Variants in SGCD observed in about 807,000 individuals in gnomAD.
SGCD encodes sarcoglycan delta.
In SGCD, 18 loss-of-function variants were observed where a neutral mutation model predicts 36.6. The ratio of observed to expected loss-of-function variants is 0.49; its 90% CI spans 0.34 to 0.73. The LOEUF is 0.73. Ranked by LOEUF, SGCD falls within the 30% of genes least tolerant of loss-of-function variation. The pLI, the probability that SGCD is intolerant of heterozygous loss-of-function variation, is 0.01. For missense variants in SGCD, 387 were observed against 346.7 expected (o/e 1.12, Z -0.92); for synonymous variants, 133 against 130.6 (o/e 1.02, Z -0.12).
intron 3 of SGCD, among the ~76,000 whole-genome samples, chr5:156,278,851 G>A (rs916882075): frequency 6.6e-6 from 1 of 152,124 alleles, no homozygotes; most frequent in African/African-American, 2.4e-5. Flanking sequence ...AAAATGGCTT[G>A]CCATAGGAGG....
In SGCD at chr5:156,094,543, GGTA is replaced by G. The variant is rs548153609; in HGVS notation, c.-281-23334_-281-23332del. 1.9e-3 allele frequency among the ~76,000 whole-genome samples: 286 copies of G among 152,210 alleles called. 2 individuals carry two copies. The highest frequency in any genetic ancestry group is 6.5e-3 in the African/African-American group (272 of 41,532). On this transcript the variant is annotated intron_variant, in intron 1 of 9. Coordinates refer to the SGCD transcript ENST00000517913. ...TTAGCTGGATTAGGGTCCAATACTGGGTACTTTCTTTCAGAAGCCAAAATTCAT... is the reference window on the plus strand; with the variant it reads ...TTAGCTGGATTAGGGTCCAATACTGGCTTTCTTTCAGAAGCCAAAATTCAT...
At chr5:155,789,379 G>C in the SGCD span, among the ~76,000 whole-genome samples, 1 of 152,056 alleles carries the variant, frequency 6.6e-6, no homozygotes, top group Non-Finnish European at 1.5e-5. Context: ...CTCACATCCA[G>C]ATAGCATAAA....
intron 1 of SGCD, among the ~76,000 whole-genome samples, chr5:155,882,660 TC>T (rs1413338779): frequency 6.6e-6 from 1 of 152,186 alleles, no homozygotes; most frequent in African/African-American, 2.4e-5. Context: ...GATTTTTTTT[TC>T]TGGGCAGTAG....
intron 1 of SGCD, among the ~76,000 whole-genome samples, chr5:155,881,393 A>G (rs1033714635): frequency 6.6e-6 from 1 of 151,980 alleles, no homozygotes; most frequent in Non-Finnish European, 1.5e-5. Flanking sequence ...TTTTGTTTAC[A>G]CTATACTGTA....
intron 3 of SGCD, among the ~76,000 whole-genome samples, chr5:156,395,289 C>A (rs1273179515): frequency 6.6e-6 from 1 of 152,114 alleles, no homozygotes; most frequent in South Asian, 2.1e-4. Flanking sequence ...AGGACTAGGG[C>A]ATCCTATGTG....
chr5:155,930,432 G>A (rs1379169205), intron 1 of SGCD, among the ~76,000 whole-genome samples: 6 of 152,202 alleles, frequency 3.9e-5, no homozygotes, highest in Non-Finnish European at 7.4e-5. Flanking sequence ...CCTGTGTCTG[G>A]AGGACAGCAA....
chr5:156,586,805 C>T (rs1455889906), intron 4 of SGCD, among the ~76,000 whole-genome samples: 1 of 152,152 alleles, frequency 6.6e-6, no homozygotes, highest in Non-Finnish European at 1.5e-5. Context: ...CTGCAGCCTC[C>T]TGTTGAGGAT....
the SGCD span, among the ~76,000 whole-genome samples, chr5:155,847,969 G>T: frequency 6.6e-6 from 1 of 152,194 alleles, no homozygotes; most frequent in South Asian, 2.1e-4. Context: ...GTTTGTGAAT[G>T]ATATATTCTT....
intron 1 of SGCD, among the ~76,000 whole-genome samples, chr5:155,875,685 C>G (rs905090857): frequency 6.7e-6 from 1 of 150,262 alleles, no homozygotes; most frequent in Admixed American, 6.6e-5. Context: ...TTTACCCCCT[C>G]TTTATAGCCT....
intron 1 of SGCD, among the ~76,000 whole-genome samples, chr5:156,328,093 G>T (rs1043724489): frequency 4.6e-5 from 7 of 152,146 alleles, no homozygotes. Flanking sequence ...AAAAATCAAA[G>T]TTTTAAAAAT....
intron 3 of SGCD, among the ~76,000 whole-genome samples, chr5:156,447,890 T>C (rs960059208): frequency 3.9e-5 from 6 of 152,174 alleles, no homozygotes; most frequent in African/African-American, 1.4e-4. Flanking sequence ...ATGATTGTAT[T>C]TTATTCTCAT....
At chr5:156,000,635 T>C (rs913133079) in intron 1 of SGCD, among the ~76,000 whole-genome samples, 19 of 152,186 alleles carry the variant, frequency 1.2e-4, no homozygotes, top group African/African-American at 4.6e-4. Flanking sequence ...CTTCCCTATC[T>C]ACACCTTCCC....
intron 1 of SGCD, among the ~76,000 whole-genome samples, chr5:156,047,101 C>G (rs755497702): frequency 3.9e-5 from 6 of 152,110 alleles, no homozygotes. Flanking sequence ...TAACCCATAA[C>G]AAGGCCCTAA....
At chr5:156,257,203 A>G (rs1765736637) in intron 3 of SGCD, among the ~76,000 whole-genome samples, 2 of 150,394 alleles carry the variant, frequency 1.3e-5, no homozygotes, top group Non-Finnish European at 3.0e-5. Context: ...GGCCAGGCGC[A>G]GTGGCTCACG....
chr5:155,820,256 A>C, the SGCD span, among the ~76,000 whole-genome samples: 1 of 152,092 alleles, frequency 6.6e-6, no homozygotes. Flanking sequence ...CCTTAGAAAA[A>C]CTACTTTTTG....
intron 3 of SGCD, among the ~76,000 whole-genome samples, chr5:156,172,580 T>C (rs1465512120): frequency 6.6e-6 from 1 of 152,226 alleles, no homozygotes; most frequent in Non-Finnish European, 1.5e-5. Flanking sequence ...ATATAAAATA[T>C]CTCTTAATTG....
At position 156,500,511 on chromosome 5, in the gene SGCD, G is replaced by A. The variant is rs1222987579; in HGVS notation, c.193-8090G>A. ...TGGCATTACTTTCAAGCCTGAAAAT[G>A]TGCTGACAGAATTAAAAACCCGTCC... On this transcript the variant is annotated intron_variant, in intron 3 of 8. Coordinates refer to ENST00000337851, the MANE Select transcript of SGCD (RefSeq NM_000337.6). Among the ~76,000 whole-genome samples the A allele has an allele frequency of 2.0e-5, 3 of 152,326 alleles. No individual in the cohort carries two copies. In the South Asian group the frequency reaches 6.2e-4, roughly 32 times the overall value.
At chr5:156,344,757 A>G in intron 3 of SGCD, 80 bp downstream of exon 3, 1 of 1,140,408 alleles carries the variant, frequency 8.8e-7, no homozygotes, top group Non-Finnish European at 1.3e-6. Context: ...AATGTGGAAA[A>G]GTGATATTAT....
intron 1 of SGCD, among the ~76,000 whole-genome samples, chr5:156,111,828 G>T (rs1761794240): frequency 6.6e-6 from 1 of 151,790 alleles, no homozygotes; most frequent in African/African-American, 2.4e-5. Context: ...ACCCAGGCTG[G>T]AGTGCAGTGG....
Sources: gnomAD v4.1 joint callset for allele counts (sites outside exome capture counted in the v4.1 genomes callset) on GRCh38, gnomAD v4.1.1 for gene constraint, MANE v1.5 for transcripts, NCBI Gene and HGNC (gene_info 2026-07-23, HGNC 2026-07-21) for gene names.